NRXN1: variants seen among roughly 807,000 people sequenced by gnomAD.
NRXN1 encodes the protein neurexin 1.
A neutral mutation model predicts 150.9 loss-of-function variants in NRXN1; 39 were observed. The observed-to-expected ratio is 0.26, with a 90% CI of 0.20 to 0.34. The LOEUF (loss-of-function observed/expected upper bound fraction) is 0.34. NRXN1 is among the 10% of genes least tolerant of loss of function. The pLI, the probability that NRXN1 is intolerant of heterozygous loss-of-function variation, is 1.00. For missense variants in NRXN1, 1,815 were observed against 1,949.9 expected, an observed-to-expected ratio of 0.93 and a Z score of 1.30; for synonymous variants, 924 against 757.0, an observed-to-expected ratio of 1.22 and a Z score of -3.62.
intron 8 of NRXN1, among the ~76,000 whole-genome samples, chr2:50,569,163 A>G (rs1670291118): frequency 6.6e-6 from 1 of 152,110 alleles, no homozygotes; most frequent in African/African-American, 2.4e-5. Flanking sequence ...GGTTGGGAGA[A>G]GTGGGGATGG....
At chr2:50,728,466 G>A (rs550067451) in intron 5 of NRXN1, among the ~76,000 whole-genome samples, 1 of 152,228 alleles carries the variant, frequency 6.6e-6, no homozygotes, top group South Asian at 2.1e-4. Context: ...GTCTATGTGT[G>A]TGTATGTGTA....
In NRXN1 at chr2:50,656,628, G is replaced by A. The variant is rs569043138; in HGVS notation, c.833-33013C>T. 2.4e-3 allele frequency among the ~76,000 whole-genome samples: 358 copies of A among 151,790 alleles called. 1 individual carries two copies. Among genetic ancestry groups the A allele is most frequent in the African/African-American group, 8.2e-3 (341 of 41,418 alleles). ...TTCATTCCTGAATGACAGGAATTCC[G>A]TTTGTACCACCCTCATCACCACCAT... On this transcript the variant is annotated intron_variant, in intron 5 of 22. Transcript: ENST00000401669.
At chr2:50,283,354 A>G (rs1280978363) in intron 17 of NRXN1, among the ~76,000 whole-genome samples, 1 of 152,198 alleles carries the variant, frequency 6.6e-6, no homozygotes, top group Non-Finnish European at 1.5e-5. Flanking sequence ...TGTTAAAAGT[A>G]TTTTTATGCA....
intron 18 of NRXN1, among the ~76,000 whole-genome samples, chr2:50,133,298 AG>A (rs1366553341): frequency 7.3e-5 from 8 of 109,602 alleles, no homozygotes; most frequent in Non-Finnish European, 1.4e-4. Flanking sequence ...AATGGGCGTA[AG>A]TACAGCCTCC....
chr2:50,465,566 A>G lies in NRXN1; in HGVS notation c.3245-5T>C, dbSNP rs763855965. 1 of 1,600,444 alleles carries G rather than the reference A, an allele frequency of 6.2e-7. No individual in the cohort carries two copies. The highest frequency in any genetic ancestry group is 1.1e-5 in the South Asian group (1 of 88,938). ...CTTGGCAGGTTGTGCTGGGCCCTGCAAAACAATCCAAAGGAAACTTGGGTT... is the reference window on the plus strand; with the variant it reads ...CTTGGCAGGTTGTGCTGGGCCCTGCGAAACAATCCAAAGGAAACTTGGGTT... On this transcript the variant is annotated splice_polypyrimidine_tract_variant and splice_region_variant and intron_variant, in intron 16 of 22. Transcript: ENST00000401669.
At chr2:50,488,797 T>G (rs1252230249) in intron 15 of NRXN1, among the ~76,000 whole-genome samples, 1 of 152,214 alleles carries the variant, frequency 6.6e-6, no homozygotes, top group East Asian at 1.9e-4. Flanking sequence ...AGAGAGATAT[T>G]GTCAGATATC....
At chr2:50,773,861 C>T (rs779152124) in intron 5 of NRXN1, among the ~76,000 whole-genome samples, 4 of 152,116 alleles carry the variant, frequency 2.6e-5, no homozygotes, top group Non-Finnish European at 5.9e-5. Flanking sequence ...TTGCTCAACA[C>T]AAACGTCTTT....
At chr2:50,741,793 A>C (rs1452821990) in intron 5 of NRXN1, among the ~76,000 whole-genome samples, 7 of 152,182 alleles carry the variant, frequency 4.6e-5, no homozygotes, top group East Asian at 1.9e-4. Context: ...AGGATGACTT[A>C]GTATGGAACC....
rs2078112769 is a variant in NRXN1, at chr2:50,347,506, C to T, written c.3365-110536G>A. The T allele has an allele frequency of 5.7e-6, 6 of 1,055,316 alleles. No homozygotes were observed. Among genetic ancestry groups the T allele is most frequent in the Non-Finnish European group, 6.9e-6 (6 of 871,316 alleles). 65.4% of individuals were successfully genotyped at this position (1,055,316 alleles called of 1,614,324 possible). On this transcript the variant is annotated intron_variant, in intron 17 of 22. Coordinates refer to ENST00000401669, the MANE Select transcript of NRXN1 (RefSeq NM_001330078.2). The surrounding 1 kb of genome is among the most constrained non-coding windows in gnomAD (Gnocchi z 4.9). ...CCAGGCGCCCCTTCCCTCCATTCAGCCCCGGCCGGCTCGCCCGCTAGCGCC... is the reference window on the plus strand; with the variant it reads ...CCAGGCGCCCCTTCCCTCCATTCAGTCCCGGCCGGCTCGCCCGCTAGCGCC...
At chr2:50,733,319 A>G (rs1364361439) in intron 5 of NRXN1, among the ~76,000 whole-genome samples, 6 of 152,148 alleles carry the variant, frequency 3.9e-5, no homozygotes, top group Admixed American at 2.0e-4. Flanking sequence ...AAAAATTGGG[A>G]AATATTTTTT....
intron 11 of NRXN1, 122 bp downstream of exon 11, chr2:50,531,105 G>A (rs1433630487): frequency 2.9e-6 from 2 of 678,472 alleles, no homozygotes; most frequent in Admixed American, 3.0e-5. Context: ...TTTAAATGAT[G>A]GAAATAAGAC....
At chr2:49,937,465 G>A (rs973643451) in intron 22 of NRXN1, among the ~76,000 whole-genome samples, 6 of 152,194 alleles carry the variant, frequency 3.9e-5, no homozygotes, top group Admixed American at 2.6e-4. Flanking sequence ...AAAATGATGT[G>A]TGATAAATCT....
At chr2:50,424,804 G>A (rs1040717053) in intron 17 of NRXN1, among the ~76,000 whole-genome samples, 8 of 152,104 alleles carry the variant, frequency 5.3e-5, no homozygotes, top group African/African-American at 1.9e-4. Context: ...TCTTTGCTCT[G>A]ATTCTAATTT....
chr2:50,352,126 G>A (rs1290329974), intron 17 of NRXN1, among the ~76,000 whole-genome samples: 1 of 152,106 alleles, frequency 6.6e-6, no homozygotes, highest in African/African-American at 2.4e-5. Context: ...CACGCCTGAT[G>A]ATTTATCATG....
chr2:50,135,932 C>T (rs908694206), intron 18 of NRXN1, among the ~76,000 whole-genome samples: 1 of 152,118 alleles, frequency 6.6e-6, no homozygotes, highest in Non-Finnish European at 1.5e-5. Context: ...TTGGTCAATT[C>T]CATTGTCTCA....
chr2:50,579,373 G>C (rs930657550), intron 8 of NRXN1, among the ~76,000 whole-genome samples: 2 of 152,208 alleles, frequency 1.3e-5, no homozygotes, highest in Non-Finnish European at 2.9e-5. Flanking sequence ...CTAATTTAGA[G>C]TGTGATGCAG....
At chr2:50,804,781 T>C (rs917426376) in intron 5 of NRXN1, among the ~76,000 whole-genome samples, 1 of 152,212 alleles carries the variant, frequency 6.6e-6, no homozygotes, top group African/African-American at 2.4e-5. Context: ...CCTTCAAACA[T>C]CTGCAGCTAT....
intron 2 of NRXN1, among the ~76,000 whole-genome samples, chr2:50,996,860 A>G (rs180840242): frequency 6.6e-6 from 1 of 152,142 alleles, no homozygotes; most frequent in East Asian, 2.0e-4. Context: ...GATTCTTCAC[A>G]TGGCGTAGGT....
intron 17 of NRXN1, among the ~76,000 whole-genome samples, chr2:50,264,609 A>C (rs1207166816): frequency 2.0e-5 from 3 of 152,078 alleles, no homozygotes; most frequent in African/African-American, 7.2e-5. Context: ...GAGGTGAATG[A>C]GAAGTAGGCT....
Sources: allele counts gnomAD v4.1 joint callset (sites outside exome capture counted in the v4.1 genomes callset), GRCh38; gene constraint gnomAD v4.1.1; non-coding constraint Gnocchi (gnomAD v3.1); transcripts MANE v1.5; gene names NCBI Gene and HGNC (gene_info 2026-07-23, HGNC 2026-07-21).